PDZRN4: variants seen among roughly 807,000 people sequenced by gnomAD.
PDZRN4 encodes the protein PDZ domain containing ring finger 4.
Under a neutral mutation model 99.0 loss-of-function variants are expected in PDZRN4, and 70 were observed. The observed-to-expected ratio is 0.71, with a 90% CI of 0.58 to 0.86. PDZRN4 has a LOEUF of 0.86. Among genes scored for constraint, PDZRN4 ranks in the 40% least tolerant of loss-of-function variants. The probability of loss-of-function intolerance (pLI) is 0.00; values close to 1 mark genes in which losing one functional copy is unlikely to be tolerated. For missense variants in PDZRN4, 1,474 were observed against 1,331.2 expected, an observed-to-expected ratio of 1.11 and a Z score of -1.67; for synonymous variants, 551 against 501.6, an observed-to-expected ratio of 1.10 and a Z score of -1.32.
chr12:41,261,154 G>A (rs1437576918), intron 3 of PDZRN4, among the ~76,000 whole-genome samples: 1 of 151,900 alleles, frequency 6.6e-6, no homozygotes, highest in Non-Finnish European at 1.5e-5. Context: ...TTTTCTAGGG[G>A]TTCAGGAATT....
intron 7 of PDZRN4, 51 bp downstream of exon 7, chr12:41,555,811 C>T (rs1939150387): frequency 7.3e-7 from 1 of 1,378,350 alleles, no homozygotes; most frequent in South Asian, 1.2e-5. Flanking sequence ...TCCAAAGTTA[C>T]TATTTTACTT....
chr12:41,266,365 AT>A (rs1241998099), intron 3 of PDZRN4, among the ~76,000 whole-genome samples: 3 of 151,648 alleles, frequency 2.0e-5, no homozygotes, highest in Non-Finnish European at 4.4e-5. Context: ...AGTTAATTGC[AT>A]TTTTTTCCTC....
intron 3 of PDZRN4, among the ~76,000 whole-genome samples, chr12:41,344,704 T>C (rs1951840771): frequency 6.7e-6 from 1 of 149,892 alleles, no homozygotes. Flanking sequence ...CTGTGCACTT[T>C]TATAATAATT....
intron 3 of PDZRN4, among the ~76,000 whole-genome samples, chr12:41,503,786 T>C (rs1269464044): frequency 6.6e-6 from 1 of 152,196 alleles, no homozygotes; most frequent in African/African-American, 2.4e-5. Context: ...TGAAACACTT[T>C]GTGCATTAGT....
intron 5 of PDZRN4, among the ~76,000 whole-genome samples, chr12:41,525,836 C>T (rs1407551118): frequency 6.6e-6 from 1 of 151,834 alleles, no homozygotes; most frequent in Non-Finnish European, 1.5e-5. Context: ...ATTCAAGTGT[C>T]CTTCATCAAA....
intron 9 of PDZRN4, among the ~76,000 whole-genome samples, chr12:41,570,921 T>C (rs973578730): frequency 1.3e-5 from 2 of 152,164 alleles, no homozygotes; most frequent in Admixed American, 1.3e-4. Flanking sequence ...GAAAAGCTGA[T>C]ACATGGTTAT....
At chr12:41,456,728 C>A (rs1187988227) in intron 3 of PDZRN4, among the ~76,000 whole-genome samples, 1 of 152,172 alleles carries the variant, frequency 6.6e-6, no homozygotes, top group Non-Finnish European at 1.5e-5. Context: ...ATCACCTGAG[C>A]AGGCCAAATG....
intron 3 of PDZRN4, among the ~76,000 whole-genome samples, chr12:41,280,853 T>C (rs1392964155): frequency 6.6e-6 from 1 of 152,154 alleles, no homozygotes; most frequent in African/African-American, 2.4e-5. Context: ...AGCACAGCGT[T>C]CCAGCTCTGA....
chr12:41,527,835 C>T (rs1938595708), intron 5 of PDZRN4, among the ~76,000 whole-genome samples: 1 of 152,176 alleles, frequency 6.6e-6, no homozygotes, highest in Admixed American at 6.5e-5. Flanking sequence ...GCCTGTTTAC[C>T]TCTAGACTGA....
rs555562311 is a variant in PDZRN4, at chr12:41,561,896, A to C, written c.1366-1652A>C. 2.0e-5 allele frequency among the ~76,000 whole-genome samples: 3 copies of C among 152,196 alleles called. No individual in the cohort carries two copies. In the South Asian group the frequency reaches 6.2e-4, roughly 32 times the overall value. ...AGTCATTATTTTAAAACTACACTTAATAGAGGGTAGGGGAAGTATAGTGGA... is the reference window on the plus strand; with the variant it reads ...AGTCATTATTTTAAAACTACACTTACTAGAGGGTAGGGGAAGTATAGTGGA... On this transcript the variant is annotated intron_variant, in intron 7 of 9. Transcript: ENST00000402685.
In PDZRN4 at chr12:41,551,547, A is replaced by G. The variant is rs561096391; in HGVS notation, c.1204-1109A>G. On this transcript the variant is annotated intron_variant, in intron 5 of 9. Transcript: ENST00000402685. ...CATCTGGAAAGATTTTTGAAATAAA[A>G]TTAGTCACCCTTCAGCTAGTTGTTA... Among the ~76,000 whole-genome samples, 3 of 152,312 alleles carry G rather than the reference A, an allele frequency of 2.0e-5. 1 individual carries two copies. Among genetic ancestry groups the G allele is most frequent in the Non-Finnish European group, 4.4e-5 (3 of 68,024 alleles).
chr12:41,421,819 A>G (rs1009982237), intron 3 of PDZRN4, among the ~76,000 whole-genome samples: 4 of 152,150 alleles, frequency 2.6e-5, no homozygotes, highest in Non-Finnish European at 4.4e-5. Flanking sequence ...TATTTTTCTG[A>G]AAAATAGTAA....
At chr12:41,241,681 A>T (rs899248293) in intron 3 of PDZRN4, among the ~76,000 whole-genome samples, 1 of 151,568 alleles carries the variant, frequency 6.6e-6, no homozygotes, top group South Asian at 2.1e-4. Flanking sequence ...ACACACAGAC[A>T]TTTTTTTTTC....
rs1952012878 is a variant in PDZRN4 at position 41,367,840 on chromosome 12, G to A, written c.844-138616G>A. Among the ~76,000 whole-genome samples the A allele has an allele frequency of 2.6e-5, 4 of 151,670 alleles. No homozygotes were observed. The South Asian group carries it at 8.4e-4, about 32-fold the overall frequency. On this transcript the variant is annotated intron_variant, in intron 3 of 9. Transcript: ENST00000402685. ...TTTAGTTATTGAAAACAAAAACAAG[G>A]AAAAAAAATCCTGGCGCCATGTCCA... is the stretch of plus-strand genomic sequence containing the variant.
intron 3 of PDZRN4, among the ~76,000 whole-genome samples, chr12:41,261,426 T>C (rs561558261): frequency 6.6e-6 from 1 of 152,338 alleles, no homozygotes; most frequent in African/African-American, 2.4e-5. Context: ...AATCAAGATT[T>C]AGCAATTAAA....
At chr12:41,288,170 C>A (rs1267985272) in intron 3 of PDZRN4, among the ~76,000 whole-genome samples, 1 of 152,124 alleles carries the variant, frequency 6.6e-6, no homozygotes, top group African/African-American at 2.4e-5. Context: ...AGCTCTTCAG[C>A]GGGCATTATG....
chr12:41,550,630 A>G (rs1939036335), intron 5 of PDZRN4, among the ~76,000 whole-genome samples: 1 of 152,168 alleles, frequency 6.6e-6, no homozygotes. Flanking sequence ...AGCCTACACT[A>G]TAACCTTCTT....
chr12:41,276,211 A>G (rs891259740), intron 3 of PDZRN4, among the ~76,000 whole-genome samples: 1 of 152,170 alleles, frequency 6.6e-6, no homozygotes, highest in African/African-American at 2.4e-5. Context: ...AAACAGATAT[A>G]CAGCATATTT....
intron 3 of PDZRN4, among the ~76,000 whole-genome samples, chr12:41,403,780 T>G (rs1470399748): frequency 6.6e-6 from 1 of 152,166 alleles, no homozygotes; most frequent in Non-Finnish European, 1.5e-5. Context: ...ATTTATTCAT[T>G]CAAAATATTT....
Sources: allele counts gnomAD v4.1 joint callset (sites outside exome capture counted in the v4.1 genomes callset), GRCh38; gene constraint gnomAD v4.1.1; transcripts MANE v1.5; gene names NCBI Gene and HGNC (gene_info 2026-07-23, HGNC 2026-07-21).